Variants in ZNF407 observed in about 807,000 individuals in gnomAD.
ZNF407 encodes the protein zinc finger protein 407.
ZNF407 carries 17 observed loss-of-function variants against 131.2 expected under a neutral mutation model. The observed-to-expected ratio is 0.13, with a 90% CI of 0.09 to 0.19. The LOEUF (loss-of-function observed/expected upper bound fraction) is 0.19. Ranked by LOEUF, ZNF407 falls within the 10% of genes least tolerant of loss-of-function variation. ZNF407 has a pLI of 1.00. For synonymous variants in ZNF407, 1,156 were observed against 1,062.0 expected (o/e 1.09, Z -1.72); for missense variants, 2,681 against 2,830.6 (o/e 0.95, Z 1.20).
chr18:74,879,017 C>T (rs924044019), intron 5 of ZNF407, among the ~76,000 whole-genome samples: 1 of 151,508 alleles, frequency 6.6e-6, no homozygotes, highest in African/African-American at 2.4e-5. Context: ...ATAAAAAAAT[C>T]AAAGTCACTA....
intron 3 of ZNF407, among the ~76,000 whole-genome samples, chr18:74,744,123 A>G (rs566664856): frequency 6.6e-6 from 1 of 152,316 alleles, no homozygotes; most frequent in South Asian, 2.1e-4. Flanking sequence ...TGTGACCTGC[A>G]GGCAATACAT....
intron 8 of ZNF407, among the ~76,000 whole-genome samples, chr18:74,934,954 C>G (rs1972023398): frequency 6.6e-6 from 1 of 152,180 alleles, no homozygotes; most frequent in Non-Finnish European, 1.5e-5. Flanking sequence ...TGAAATTACT[C>G]TATGTCATTT....
At chr18:74,986,604 A>G (rs1261254334) in intron 8 of ZNF407, among the ~76,000 whole-genome samples, 1 of 152,184 alleles carries the variant, frequency 6.6e-6, no homozygotes, top group South Asian at 2.1e-4. Flanking sequence ...TTAAGCTTTT[A>G]TTTAACAACT....
chr18:74,609,017 C>A (rs555056627), intron 1 of ZNF407, among the ~76,000 whole-genome samples: 1 of 152,012 alleles, frequency 6.6e-6, no homozygotes, highest in East Asian at 1.9e-4. Flanking sequence ...ATATCAGAAT[C>A]TTTTGAGTTT....
intron 2 of ZNF407, among the ~76,000 whole-genome samples, chr18:74,638,171 A>G (rs1470178439): frequency 6.6e-6 from 1 of 152,176 alleles, no homozygotes; most frequent in Non-Finnish European, 1.5e-5. Flanking sequence ...GTGTGACTTC[A>G]CTAAGAAATT....
chr18:74,915,699 G>A (rs1971747497), intron 7 of ZNF407, among the ~76,000 whole-genome samples: 1 of 93,476 alleles, frequency 1.1e-5, no homozygotes, highest in Non-Finnish European at 2.3e-5. Flanking sequence ...TCGGGAGTGT[G>A]TGTGTGTGTG....
chr18:74,641,334 A>G (rs527588756), intron 3 of ZNF407, among the ~76,000 whole-genome samples: 1 of 152,330 alleles, frequency 6.6e-6, no homozygotes, highest in East Asian at 1.9e-4. Flanking sequence ...TTTATGGGCT[A>G]CAAGGTCAAT....
intron 8 of ZNF407, among the ~76,000 whole-genome samples, chr18:75,007,314 ATTCT>A (rs1972922575): frequency 6.6e-6 from 1 of 151,342 alleles, no homozygotes; most frequent in South Asian, 2.1e-4. Flanking sequence ...TCTTCTGCAC[ATTCT>A]TTTTCTGTTC....
At chr18:74,734,732 A>G (rs1968374714) in intron 3 of ZNF407, among the ~76,000 whole-genome samples, 1 of 151,434 alleles carries the variant, frequency 6.6e-6, no homozygotes, top group Non-Finnish European at 1.5e-5. Flanking sequence ...TCAAAGATTC[A>G]AGGAAAACGT....
chr18:74,771,579 T>C (rs926589908), intron 3 of ZNF407, among the ~76,000 whole-genome samples: 1 of 152,088 alleles, frequency 6.6e-6, no homozygotes, highest in East Asian at 1.9e-4. Context: ...ATATTTTACA[T>C]GTTAACAACA....
chr18:74,761,434 T>C (rs780630841), intron 3 of ZNF407, among the ~76,000 whole-genome samples: 12 of 152,174 alleles, frequency 7.9e-5, no homozygotes, highest in Non-Finnish European at 1.5e-4. Flanking sequence ...GCACAATTTT[T>C]TTTACAAAGC....
At chr18:74,753,505 G>C (rs912439134) in intron 3 of ZNF407, among the ~76,000 whole-genome samples, 1 of 152,142 alleles carries the variant, frequency 6.6e-6, no homozygotes, top group African/African-American at 2.4e-5. Context: ...GTCATAAATA[G>C]CTCTTATTAT....
intron 3 of ZNF407, among the ~76,000 whole-genome samples, chr18:74,771,283 T>C (rs1417023234): frequency 6.6e-6 from 1 of 152,154 alleles, no homozygotes; most frequent in Non-Finnish European, 1.5e-5. Flanking sequence ...ACTTATGAAT[T>C]TTGGAGTAAA....
intron 4 of ZNF407, among the ~76,000 whole-genome samples, chr18:74,829,865 C>A (rs1310002527): frequency 6.6e-6 from 1 of 151,626 alleles, no homozygotes; most frequent in Admixed American, 6.6e-5. Context: ...CGGTGAATTA[C>A]ATTGTTATGG....
At chr18:75,008,688 A>G (rs1972939685) in intron 8 of ZNF407, among the ~76,000 whole-genome samples, 1 of 152,190 alleles carries the variant, frequency 6.6e-6, no homozygotes, top group Non-Finnish European at 1.5e-5. Flanking sequence ...ATGAATATAT[A>G]TGTGTGATTT....
chr18:74,806,811 C>A (rs1970116829), intron 4 of ZNF407, among the ~76,000 whole-genome samples: 1 of 152,156 alleles, frequency 6.6e-6, no homozygotes, highest in African/African-American at 2.4e-5. Flanking sequence ...TAGAGTGAGA[C>A]TGAGTAAGTG....
chr18:74,845,628 A>G (rs918939699), intron 4 of ZNF407, among the ~76,000 whole-genome samples: 1 of 152,166 alleles, frequency 6.6e-6, no homozygotes, highest in Non-Finnish European at 1.5e-5. Flanking sequence ...AAATTACACT[A>G]TAACTAAAAG....
intron 8 of ZNF407, among the ~76,000 whole-genome samples, chr18:75,000,205 C>T (rs9945529): frequency 4.0e-5 from 6 of 151,886 alleles, no homozygotes; most frequent in Non-Finnish European, 8.8e-5. Context: ...AGTTGGAGAG[C>T]GATGTTTTTA....
At chr18:74,809,173 A>G (rs1970158474) in intron 4 of ZNF407, among the ~76,000 whole-genome samples, 1 of 152,222 alleles carries the variant, frequency 6.6e-6, no homozygotes. Context: ...ATTTTATGCA[A>G]AAGTGAAATG....
Sources: gnomAD v4.1 joint callset for allele counts (sites outside exome capture counted in the v4.1 genomes callset) on GRCh38, gnomAD v4.1.1 for gene constraint, MANE v1.5 for transcripts, NCBI Gene and HGNC (gene_info 2026-07-23, HGNC 2026-07-21) for gene names.